Variants in LIPA observed in about 807,000 individuals in gnomAD.
The protein encoded by LIPA is lipase A, lysosomal acid type.
A neutral mutation model predicts 40.6 loss-of-function variants in LIPA; 26 were observed. That is an observed-to-expected ratio of 0.64 (90% confidence interval 0.47 to 0.89). LIPA has a LOEUF of 0.89. Among genes scored for constraint, LIPA ranks in the 40% least tolerant of loss-of-function variants. LIPA has a pLI of 0.00. For synonymous variants in LIPA, 188 were observed against 168.4 expected (o/e 1.12, Z -0.90); for missense variants, 455 against 479.6 (o/e 0.95, Z 0.48).
At chr10:89,256,387 T>A (rs1463510710), upstream of LIPA, among the ~76,000 whole-genome samples, 1 of 152,106 alleles carries the variant, frequency 6.6e-6, no homozygotes, top group Non-Finnish European at 1.5e-5. Flanking sequence ...AAAGTAAGCA[T>A]AAGTAGCAAA....
At chr10:89,245,955 A>G (rs564010856) in intron 2 of LIPA, among the ~76,000 whole-genome samples, 162 bp from the exon 3 acceptor site, 118 of 152,176 alleles carry the variant, frequency 7.8e-4, no homozygotes, top group Non-Finnish European at 1.4e-3. Context: ...TCTCATCACA[A>G]GAGTAAATCC....
At chr10:89,402,962 T>A (rs537837017) in intron 2 of LIPA, 4 of 1,614,118 alleles carry the variant, frequency 2.5e-6, no homozygotes, top group Non-Finnish European at 3.4e-6. Flanking sequence ...AGCTTCAGGA[T>A]GAAGGACAGG....
chr10:89,216,469 T>C (rs1842628943), intron 8 of LIPA, among the ~76,000 whole-genome samples: 1 of 150,732 alleles, frequency 6.6e-6, no homozygotes, highest in Admixed American at 6.6e-5. Context: ...GATAAAATAA[T>C]TATAATATAC....
At chr10:89,250,859 A>C (rs748349235) in intron 1 of LIPA, among the ~76,000 whole-genome samples, 2 of 152,216 alleles carry the variant, frequency 1.3e-5, no homozygotes, top group Non-Finnish European at 2.9e-5. Context: ...GAGGGGGGAA[A>C]AAAAACCTTC....
chr10:89,316,457 C>G (rs1004817446), intron 1 of LIPA, among the ~76,000 whole-genome samples: 5 of 152,168 alleles, frequency 3.3e-5, no homozygotes, highest in African/African-American at 1.2e-4. Context: ...GCCCAGGGAG[C>G]CTTGCTCACT....
chr10:89,304,912 A>G (rs923662423), intron 1 of LIPA, among the ~76,000 whole-genome samples: 26 of 152,264 alleles, frequency 1.7e-4, no homozygotes, highest in African/African-American at 6.3e-4. Context: ...AAAAGGAGCT[A>G]GTGGCCTTGT....
chr10:89,410,531 C>T (rs531850137), intron 2 of LIPA, among the ~76,000 whole-genome samples: 6 of 152,344 alleles, frequency 3.9e-5, no homozygotes, highest in Non-Finnish European at 4.4e-5. Context: ...CCATATTTAG[C>T]GATGTAACCA....
chr10:89,219,846 G>A (rs180858964), intron 8 of LIPA, among the ~76,000 whole-genome samples: 2 of 152,380 alleles, frequency 1.3e-5, no homozygotes, highest in East Asian at 3.9e-4. Context: ...GCGGGTAGAA[G>A]AGCAAAGGCC....
Position 89,258,238 on chromosome 10 carries a change from C to T in LIPA, c.-1-10589G>A, listed in dbSNP as rs184248005. 6.6e-5 allele frequency among the ~76,000 whole-genome samples: 10 copies of T among 152,050 alleles called. No homozygotes were observed. The East Asian group carries it at 1.7e-3, about 26-fold the overall frequency. The stretch of plus-strand genomic sequence containing the variant: ...GCTAGAACACTTGAATAGCTATATG[C>T]AAAACAATGAACCTAGACCCTTAAG... On this transcript the variant is annotated intron_variant, in intron 1 of 5. Transcript: ENST00000282673.
chr10:89,391,415 T>C (rs1227523055), intron 2 of LIPA, among the ~76,000 whole-genome samples: 4 of 151,888 alleles, frequency 2.6e-5, no homozygotes, highest in Non-Finnish European at 4.4e-5. Context: ...GGGGTCTCCC[T>C]ATGTTGTCCA....
At chr10:89,286,007 C>T (rs1026874433) in intron 1 of LIPA, among the ~76,000 whole-genome samples, 38 of 152,116 alleles carry the variant, frequency 2.5e-4, no homozygotes, top group African/African-American at 8.7e-4. Context: ...AACCCAAATG[C>T]CTTATTTTCT....
chr10:89,271,574 G>A (rs1843265888), intron 1 of LIPA, among the ~76,000 whole-genome samples: 1 of 152,154 alleles, frequency 6.6e-6, no homozygotes, highest in Admixed American at 6.5e-5. Context: ...GCTTGCAGGA[G>A]GTCTTCTGGG....
intron 1 of LIPA, chr10:89,307,540 T>A: frequency 1.7e-6 from 1 of 595,704 alleles, no homozygotes; most frequent in Non-Finnish European, 2.9e-6. Flanking sequence ...TGCTGGGTCT[T>A]GAGAGAGCCC....
intron 1 of LIPA, among the ~76,000 whole-genome samples, chr10:89,316,897 C>A (rs1045619224): frequency 2.0e-5 from 3 of 152,222 alleles, no homozygotes; most frequent in Admixed American, 2.0e-4. Context: ...AAGGATCAGG[C>A]AGCAACATTT....
chr10:89,402,828 G>A, intron 2 of LIPA: 1 of 1,614,190 alleles, frequency 6.2e-7, no homozygotes, highest in Non-Finnish European at 8.5e-7. Context: ...TGCGATCTCT[G>A]CCTATCGCCT....
At chr10:89,378,147 T>C (rs780444490) in intron 2 of LIPA, 5 of 1,613,976 alleles carry the variant, frequency 3.1e-6, no homozygotes, top group Non-Finnish European at 3.4e-6. Flanking sequence ...TGAGGTAAAG[T>C]CTTTCTCTGC....
At chr10:89,221,468 A>G (rs760389167) in intron 8 of LIPA, among the ~76,000 whole-genome samples, 2 of 152,234 alleles carry the variant, frequency 1.3e-5, no homozygotes, top group Non-Finnish European at 2.9e-5. Flanking sequence ...GAATTCCACT[A>G]TAATTCCAAC....
Position 89,215,809 on chromosome 10 carries a change from A to G in LIPA, c.966+129T>C, listed in dbSNP as rs1456112755. 4 of 776,780 alleles carry G rather than the reference A, an allele frequency of 5.1e-6. No individual in the cohort carries two copies. In the East Asian group the frequency reaches 7.3e-5, roughly 14 times the overall value. The allele number at this position is 776,780 out of a possible 1,614,324, so 48.1% of individuals were successfully genotyped here. A position where few individuals can be genotyped will look rare whatever the true frequency, so the allele number is the denominator to read the frequency against. On this transcript the variant is annotated intron_variant, in intron 9 of 9. Transcript: ENST00000336233. Reference sequence around the variant, plus strand: ...GATTGTTCTGAATGGACTGATGGAAAACAAACACTAGTCAACTCCTGCAAA... The same window carrying G: ...GATTGTTCTGAATGGACTGATGGAAGACAAACACTAGTCAACTCCTGCAAA...
At chr10:89,380,397 T>C (rs1346938588) in intron 2 of LIPA, among the ~76,000 whole-genome samples, 1 of 151,412 alleles carries the variant, frequency 6.6e-6, no homozygotes. Context: ...GCCACAGGCA[T>C]ACAGGGATTA....
Sources: allele counts gnomAD v4.1 joint callset (sites outside exome capture counted in the v4.1 genomes callset), GRCh38; gene constraint gnomAD v4.1.1; transcripts MANE v1.5; gene names NCBI Gene and HGNC (gene_info 2026-07-23, HGNC 2026-07-21).